Variants in UNC13B observed in about 807,000 individuals in gnomAD.
The protein encoded by UNC13B is unc-13 homolog B.
A neutral mutation model predicts 211.0 loss-of-function variants in UNC13B; 144 were observed. The observed-to-expected ratio is 0.68, with a 90% CI of 0.60 to 0.78. The LOEUF is 0.78. Among genes scored for constraint, UNC13B ranks in the 30% least tolerant of loss-of-function variants. The pLI is 0.00. For missense variants in UNC13B, 1,777 were observed against 2,002.0 expected (o/e 0.89, Z 2.14); for synonymous variants, 709 against 725.8 (o/e 0.98, Z 0.37).
At chr9:35,328,634 T>C (rs866967063) in intron 11 of UNC13B, among the ~76,000 whole-genome samples, 11 of 107,360 alleles carry the variant, frequency 1.0e-4, no homozygotes, top group African/African-American at 2.7e-4. Context: ...CTTCCTTCCT[T>C]CCTTCCTTCC....
chr9:35,183,225 C>T (rs1178131959), intron 1 of UNC13B, among the ~76,000 whole-genome samples: 1 of 146,346 alleles, frequency 6.8e-6, no homozygotes, highest in Non-Finnish European at 1.5e-5. Flanking sequence ...CAGAGGCGCT[C>T]CCCACCTCCC....
At chr9:35,266,079 A>G (rs1302236402) in intron 7 of UNC13B, among the ~76,000 whole-genome samples, 1 of 152,160 alleles carries the variant, frequency 6.6e-6, no homozygotes, top group Non-Finnish European at 1.5e-5. Flanking sequence ...CTGGGATTAT[A>G]GGCGTTGAGC....
intron 11 of UNC13B, among the ~76,000 whole-genome samples, chr9:35,356,616 T>C (rs1833038832): frequency 6.6e-6 from 1 of 152,204 alleles, no homozygotes; most frequent in Non-Finnish European, 1.5e-5. Context: ...TTATAATTCA[T>C]GTGCCATAAA....
chr9:35,209,784 A>G (rs1354031213), intron 1 of UNC13B, among the ~76,000 whole-genome samples: 1 of 152,070 alleles, frequency 6.6e-6, no homozygotes, highest in Non-Finnish European at 1.5e-5. Flanking sequence ...TCTTCATTCT[A>G]TTTCCATTTT....
intron 1 of UNC13B, among the ~76,000 whole-genome samples, chr9:35,187,913 C>T (rs1386630612): frequency 6.6e-6 from 1 of 152,170 alleles, no homozygotes. Context: ...AGATTGACTC[C>T]TTAAATAGTT....
chr9:35,190,012 C>G (rs550673447), intron 1 of UNC13B, among the ~76,000 whole-genome samples: 3 of 152,120 alleles, frequency 2.0e-5, no homozygotes, highest in Non-Finnish European at 4.4e-5. Flanking sequence ...GGATGGAGCC[C>G]TTGGAGGAAC....
At position 35,340,783 on chromosome 9, in the gene UNC13B, G is replaced by A. The variant is rs373983150; in HGVS notation, c.9415-26164G>A. ...AGCTCTATATTGAGAAGGATTCTGA[G>A]GTTATCTAGGTTCATTATGCGATGT... is the stretch of plus-strand genomic sequence containing the variant. On this transcript the variant is annotated intron_variant, in intron 11 of 39. Coordinates refer to ENST00000635942, the MANE Select transcript of UNC13B (RefSeq NM_001371189.2). Among the ~76,000 whole-genome samples the A allele has an allele frequency of 7.0e-4, 106 of 152,276 alleles. 1 individual carries two copies. The South Asian group carries it at 0.015, about 22-fold the overall frequency.
intron 6 of UNC13B, among the ~76,000 whole-genome samples, chr9:35,243,843 G>A (rs1291387524): frequency 1.3e-5 from 2 of 152,072 alleles, no homozygotes; most frequent in Admixed American, 1.3e-4. Flanking sequence ...ATTGGAGAAT[G>A]TTTTTGTTAT....
rs1371589801 is a variant in UNC13B, at chr9:35,297,335, T to C, written c.761+1405T>C. Among the ~76,000 whole-genome samples the C allele has an allele frequency of 2.6e-5, 4 of 151,960 alleles. No individual in the cohort carries two copies. The East Asian group carries it at 7.7e-4, about 29-fold the overall frequency. On this transcript the variant is annotated intron_variant, in intron 8 of 39. Transcript: ENST00000635942. ...ATCTCCTGGCCTCAAACGATACGCC[T>C]TCCTCTGCTTCCCAAATGGAATTAC...
chr9:35,249,886 G>C (rs1176440093), intron 6 of UNC13B, among the ~76,000 whole-genome samples: 1 of 151,930 alleles, frequency 6.6e-6, no homozygotes, highest in African/African-American at 2.4e-5. Flanking sequence ...TTTATTCTAG[G>C]GTATGGCACT....
Position 35,204,717 on chromosome 9 carries a change from C to G in UNC13B, c.23-23298C>G, listed in dbSNP as rs548997091. On this transcript the variant is annotated intron_variant, in intron 1 of 39. Transcript: ENST00000635942. Reference sequence around the variant, plus strand: ...GTGGAGTATTTACCCAATGCCTGTACCCCCATTATATCTTCAAAGTAGCTA... The same window carrying G: ...GTGGAGTATTTACCCAATGCCTGTAGCCCCATTATATCTTCAAAGTAGCTA... Among the ~76,000 whole-genome samples the G allele has an allele frequency of 8.5e-5, 13 of 152,274 alleles. No individual in the cohort carries two copies. In the South Asian group the frequency reaches 2.5e-3, roughly 29 times the overall value.
intron 1 of UNC13B, among the ~76,000 whole-genome samples, chr9:35,182,014 G>A (rs530215996): frequency 6.6e-6 from 1 of 152,276 alleles, no homozygotes; most frequent in African/African-American, 2.4e-5. Context: ...CATGGTCTTG[G>A]TGAACTGGTT....
At chr9:35,401,954 A>T (rs577043554) in intron 37 of UNC13B, 2 of 1,550,680 alleles carry the variant, frequency 1.3e-6, no homozygotes, top group South Asian at 2.4e-5. Context: ...CATTCAGTGC[A>T]TGATGGGAAA....
At chr9:35,252,961 A>T (rs540248018) in intron 6 of UNC13B, among the ~76,000 whole-genome samples, 1 of 152,068 alleles carries the variant, frequency 6.6e-6, no homozygotes, top group African/African-American at 2.4e-5. Flanking sequence ...TTCTGTTACC[A>T]GCTATTCAGT....
intron 7 of UNC13B, among the ~76,000 whole-genome samples, chr9:35,294,311 C>CT (rs397955364): frequency 0.058 from 8,529 of 146,178 alleles, 741 homozygotes; most frequent in African/African-American, 0.19. Context: ...ACAAGATTAT[C>CT]TTTTTTTTTT....
intron 11 of UNC13B, among the ~76,000 whole-genome samples, chr9:35,354,854 A>T (rs747785282): frequency 6.2e-4 from 95 of 152,228 alleles, no homozygotes; most frequent in Non-Finnish European, 9.8e-4. Flanking sequence ...TATCAAAATT[A>T]CAAATATATA....
intron 7 of UNC13B, among the ~76,000 whole-genome samples, chr9:35,283,516 C>T (rs1173533197): frequency 2.0e-5 from 3 of 152,142 alleles, no homozygotes; most frequent in South Asian, 2.1e-4. Context: ...ACCCCCTCTC[C>T]TCTTTTCCTT....
At chr9:35,225,759 TC>T (rs1316758524) in intron 1 of UNC13B, among the ~76,000 whole-genome samples, 2 of 152,180 alleles carry the variant, frequency 1.3e-5, no homozygotes, top group African/African-American at 4.8e-5. Context: ...TCCTCTGGAA[TC>T]AGTAGTAGCA....
intron 1 of UNC13B, among the ~76,000 whole-genome samples, chr9:35,171,441 G>GC (rs1442843302): frequency 6.6e-6 from 1 of 152,120 alleles, no homozygotes; most frequent in East Asian, 1.9e-4. Context: ...TCACTCTGTT[G>GC]CCCAGACTGG....
Sources: gnomAD v4.1 joint callset for allele counts (sites outside exome capture counted in the v4.1 genomes callset) on GRCh38, gnomAD v4.1.1 for gene constraint, MANE v1.5 for transcripts, NCBI Gene and HGNC (gene_info 2026-07-23, HGNC 2026-07-21) for gene names.